RCAN2: variants seen among roughly 807,000 people sequenced by gnomAD.
RCAN2 encodes regulator of calcineurin 2, also known as calcipressin-2.
A neutral mutation model predicts 23.6 loss-of-function variants in RCAN2; 9 were observed. That is an observed-to-expected ratio of 0.38 (90% confidence interval 0.23 to 0.67). The LOEUF (loss-of-function observed/expected upper bound fraction) is 0.67. Ranked by LOEUF, RCAN2 falls within the 30% of genes least tolerant of loss-of-function variation. The pLI is 0.51. For missense variants in RCAN2, 273 were observed against 302.3 expected (o/e 0.90, Z 0.72); for synonymous variants, 109 against 115.7 (o/e 0.94, Z 0.37).
intron 1 of RCAN2, among the ~76,000 whole-genome samples, chr6:46,472,280 G>A (rs886087276): frequency 2.6e-5 from 4 of 152,268 alleles, no homozygotes; most frequent in African/African-American, 9.6e-5. Context: ...CAATGTAATG[G>A]AAACCCATAT....
intron 2 of RCAN2, among the ~76,000 whole-genome samples, chr6:46,280,477 CCACACACA>C (rs142122139): frequency 6.7e-6 from 1 of 149,556 alleles, no homozygotes; most frequent in Admixed American, 6.7e-5. Context: ...GATTAGAAGA[CCACACACA>C]CACACACACA....
intron 2 of RCAN2, among the ~76,000 whole-genome samples, chr6:46,296,066 C>CGTGTGTGTGTGTGTGTGT (rs60947209): frequency 2.2e-5 from 3 of 138,452 alleles, no homozygotes; most frequent in African/African-American, 5.3e-5. Flanking sequence ...CCAATAGCTT[C>CGTGTGTGTGTGTGTGTGT]GTGTGTGTGT....
chr6:46,441,896 T>G (rs757852936), intron 2 of RCAN2, among the ~76,000 whole-genome samples: 4 of 152,178 alleles, frequency 2.6e-5, no homozygotes, highest in African/African-American at 4.8e-5. Flanking sequence ...AACCCCACTC[T>G]CACAGAGAAA....
chr6:46,421,593 A>G (rs1005856050), intron 2 of RCAN2, among the ~76,000 whole-genome samples: 4 of 152,186 alleles, frequency 2.6e-5, no homozygotes, highest in African/African-American at 9.7e-5. Context: ...TTTAATACCC[A>G]CTGCCAATGT....
intron 2 of RCAN2, among the ~76,000 whole-genome samples, chr6:46,253,440 A>G (rs767235222): frequency 6.6e-5 from 10 of 152,214 alleles, no homozygotes; most frequent in Non-Finnish European, 1.2e-4. Flanking sequence ...GTTCCATGAG[A>G]AAAGTACCAA....
intron 2 of RCAN2, among the ~76,000 whole-genome samples, chr6:46,373,097 T>C (rs1056245443): frequency 6.6e-6 from 1 of 152,154 alleles, no homozygotes; most frequent in African/African-American, 2.4e-5. Flanking sequence ...CCAGACAATT[T>C]AGTGTTTTTT....
intron 2 of RCAN2, among the ~76,000 whole-genome samples, chr6:46,251,880 C>A (rs1766738344): frequency 6.6e-6 from 1 of 152,116 alleles, no homozygotes. Flanking sequence ...TTGTTTTGGG[C>A]TTAGGCTGAA....
At chr6:46,439,355 G>T (rs565907369) in intron 2 of RCAN2, among the ~76,000 whole-genome samples, 2 of 152,280 alleles carry the variant, frequency 1.3e-5, no homozygotes, top group African/African-American at 2.4e-5. Flanking sequence ...CAGTTCAAAA[G>T]CTCCAAAAGG....
intron 2 of RCAN2, among the ~76,000 whole-genome samples, chr6:46,431,201 T>A (rs985437643): frequency 1.6e-4 from 24 of 149,948 alleles, no homozygotes; most frequent in Middle Eastern, 3.4e-3. Flanking sequence ...ATTTGTATTT[T>A]TAAAAAAAAA....
chr6:46,231,412 ATT>A (rs549485650), intron 4 of RCAN2, among the ~76,000 whole-genome samples: 1,935 of 142,592 alleles, frequency 0.014, 38 homozygotes, highest in East Asian at 0.05. Context: ...GGTTTGTGGC[ATT>A]TTTTTTTTTT....
In RCAN2 at chr6:46,457,289, G is replaced by A. The variant is rs1216983116; in HGVS notation, c.-2-311C>T. On this transcript the variant is annotated intron_variant, in intron 1 of 4. Transcript: ENST00000371374. ...ACTACCAATGTCTATCGTGTATTGA[G>A]TTCCAGGCACTATTCTAAATGATTT... Among the ~76,000 whole-genome samples, 44 of 152,128 alleles carry A rather than the reference G, an allele frequency of 2.9e-4. 2 individuals carry two copies. The highest frequency in any genetic ancestry group is 2.9e-3 in the Admixed American group (44 of 15,276).
At chr6:46,454,408 AT>A (rs1446502337) in intron 2 of RCAN2, among the ~76,000 whole-genome samples, 1 of 152,124 alleles carries the variant, frequency 6.6e-6, no homozygotes, top group Non-Finnish European at 1.5e-5. Context: ...CCTCCTGGCT[AT>A]TGTCAACTTA....
At chr6:46,457,099 G>C in intron 1 of RCAN2, 121 bp from the exon 2 acceptor site, 1 of 654,112 alleles carries the variant, frequency 1.5e-6, no homozygotes, top group Non-Finnish European at 2.6e-6. Flanking sequence ...GCAGAGGCAG[G>C]GGATATTGGA....
chr6:46,352,890 T>C (rs1764706017), intron 2 of RCAN2, among the ~76,000 whole-genome samples: 1 of 152,164 alleles, frequency 6.6e-6, no homozygotes, highest in Admixed American at 6.5e-5. Context: ...ATGGGCAGGT[T>C]GGATGGCCTG....
intron 2 of RCAN2, among the ~76,000 whole-genome samples, chr6:46,426,728 G>A (rs997976510): frequency 9.2e-5 from 14 of 152,192 alleles, no homozygotes; most frequent in Non-Finnish European, 1.8e-4. Flanking sequence ...AACATCTACT[G>A]TGTAAACAGA....
chr6:46,453,482 G>A (rs867428759), intron 2 of RCAN2, among the ~76,000 whole-genome samples: 4 of 152,106 alleles, frequency 2.6e-5, no homozygotes, highest in African/African-American at 7.2e-5. Context: ...TGAACATTAC[G>A]GACAACACAA....
At chr6:46,416,381 C>A (rs1205951747) in intron 2 of RCAN2, among the ~76,000 whole-genome samples, 2 of 145,536 alleles carry the variant, frequency 1.4e-5, no homozygotes, top group African/African-American at 5.1e-5. Flanking sequence ...TAGTATGGTA[C>A]CTTCTTCCTC....
intron 2 of RCAN2, among the ~76,000 whole-genome samples, chr6:46,307,729 T>G (rs573034699): frequency 5.3e-5 from 8 of 152,180 alleles, no homozygotes; most frequent in African/African-American, 1.9e-4. Context: ...GCGCTATTGA[T>G]GAAAATAGAG....
intron 2 of RCAN2, among the ~76,000 whole-genome samples, chr6:46,412,653 A>G (rs1766580415): frequency 6.6e-6 from 1 of 152,228 alleles, no homozygotes; most frequent in African/African-American, 2.4e-5. Flanking sequence ...GGTCAATTTC[A>G]TCAAGCGTTC....
Sources: allele counts gnomAD v4.1 joint callset (sites outside exome capture counted in the v4.1 genomes callset), GRCh38; gene constraint gnomAD v4.1.1; transcripts MANE v1.5; gene names NCBI Gene and HGNC (gene_info 2026-07-23, HGNC 2026-07-21).